The following TNXB variants were observed in gnomAD, a reference collection of about 807,000 sequenced individuals.
The protein encoded by TNXB is tenascin-X.
A neutral mutation model predicts 340.5 loss-of-function variants in TNXB; 183 were observed. That is an observed-to-expected ratio of 0.54 (90% confidence interval 0.48 to 0.61). The LOEUF (loss-of-function observed/expected upper bound fraction) is 0.61, where lower values mean the gene tolerates loss of function less well. TNXB is among the 20% of genes least tolerant of loss of function. TNXB has a pLI of 0.00. For missense variants in TNXB, 4,613 were observed against 5,446.4 expected, an observed-to-expected ratio of 0.85 and a Z score of 4.82; for synonymous variants, 2,121 against 2,314.5, an observed-to-expected ratio of 0.92 and a Z score of 2.40.
In TNXB at chr6:32,068,694, C is replaced by T. The variant is rs1778558333; in HGVS notation, c.5916G>A (p.Glu1972=). 6.2e-7 allele frequency: 1 copy of T among 1,613,362 alleles called. No individual in the cohort carries two copies. The highest frequency in any genetic ancestry group is 1.3e-5 in the African/African-American group (1 of 74,880). The change falls in exon 17 of 44, where the codon GAG becomes GAA. Residue 1972 remains glutamate, a synonymous_variant. Coordinates refer to ENST00000644971, the MANE Select transcript of TNXB (RefSeq NM_001365276.2). This position sits in a 1 kb window ranked among gnomAD's most constrained non-coding sequence, Gnocchi z 5.3. ...HVEALTVPEE[E]KPSEPPTATP... is the part of the protein sequence containing the mutation. The stretch of plus-strand genomic sequence containing the variant: ...TTGCGGTGGGAGGTTCTGAAGGCTT[C>T]TCCTCCTCCGGGACTGGACAGAGAC...
chr6:32,056,617 G>A lies in TNXB; in HGVS notation c.8112C>T (p.Arg2704=), dbSNP rs753413229. Residue 2704 remains arginine (R), a synonymous_variant, in exon 23 of 44, where the codon CGC becomes CGT. Coordinates refer to ENST00000644971, the MANE Select transcript of TNXB (RefSeq NM_001365276.2). ...CCCCAATGACAGAGATGGGGCCCAC[G>A]CGCTGGCCACCGTGGAAGCCGTACA... ...MNLYGFHGGQ[R]VGPISVIGVT... 4.6e-5 allele frequency: 74 copies of A among 1,612,934 alleles called. No individual in the cohort carries two copies. The highest frequency in any genetic ancestry group is 2.8e-4 in the African/African-American group (21 of 74,928).
chr6:32,043,337 G>A lies in TNXB; in HGVS notation c.11651-19C>T. On this transcript the variant is annotated intron_variant, in intron 36 of 43. Transcript: ENST00000644971. ...GGCGGGGCTGGGAGTGTAGAGAGGG[G>A]CATCAAGGCCTGCCCCCTCCATCCT... 1 of 391,454 alleles carries A rather than the reference G, an allele frequency of 2.6e-6. No homozygotes were observed. Among genetic ancestry groups the A allele is most frequent in the East Asian group, 3.8e-5 (1 of 26,214 alleles). 24.2% of individuals were successfully genotyped at this position (391,454 alleles called of 1,614,324 possible). A position where few individuals can be genotyped will look rare whatever the true frequency, so the allele number is the denominator to read the frequency against.
rs1205189339 is a variant in TNXB, at chr6:32,079,377, G to C, written c.4043-12C>G. On this transcript the variant is annotated splice_polypyrimidine_tract_variant and intron_variant, in intron 10 of 43. Transcript: ENST00000644971. This position sits in a 1 kb window ranked among gnomAD's most constrained non-coding sequence, Gnocchi z 7.1. ...ATCCTCCTGAGGAGCTGAGAGAAGA[G>C]ATAGAGGCATAAAGGGCTGCTGGCT... The C allele has an allele frequency of 6.3e-7, 1 of 1,589,598 alleles. No individual in the cohort carries two copies. Among genetic ancestry groups the C allele is most frequent in the Non-Finnish European group, 8.6e-7 (1 of 1,167,128 alleles).
chr6:32,076,567 G>A (rs1052165549), intron 11 of TNXB, among the ~76,000 whole-genome samples: 2 of 152,256 alleles, frequency 1.3e-5, no homozygotes, highest in African/African-American at 4.8e-5. Context: ...AGATGAATGA[G>A]CTGAGAAGAT....
intron 25 of TNXB, among the ~76,000 whole-genome samples, 191 bp from the exon 26 acceptor site, chr6:32,053,184 G>A (rs34562262): frequency 6.6e-6 from 1 of 152,202 alleles, no homozygotes; most frequent in South Asian, 2.1e-4. Context: ...GTCAGTGCTG[G>A]GGAACTTGGG....
Position 32,046,027 on chromosome 6 carries a change from A to G in TNXB, c.10606+148T>C, listed in dbSNP as rs1776841930. 1 of 1,400,364 alleles carries G rather than the reference A, an allele frequency of 7.1e-7. No homozygotes were observed. Among genetic ancestry groups the G allele is most frequent in the Non-Finnish European group, 9.3e-7 (1 of 1,079,834 alleles). The allele number at this position is 1,400,364 out of a possible 1,614,324, so 86.7% of individuals were successfully genotyped here. ...CTCCTTGATGGATGTTGAAGCCCAC[A>G]GGGCTGCAGACTCCTCCTCCTTCCT... On this transcript the variant is annotated intron_variant, in intron 31 of 43. Coordinates refer to ENST00000644971, the MANE Select transcript of TNXB (RefSeq NM_001365276.2). This position sits in a 1 kb window ranked among gnomAD's most constrained non-coding sequence, Gnocchi z 6.9.
At position 32,097,245 on chromosome 6, in the gene TNXB, A is replaced by C; in HGVS notation, c.608T>G (p.Val203Gly). Residue 203 changes from valine (V) to glycine (G), a missense_variant, in exon 3 of 44, where the codon GTG (valine) becomes GGG (glycine). By Grantham distance (109) the Val-to-Gly change is moderately radical. This residue lies in a region of TNXB where 4,327 missense variants were observed against 4,859.4 expected (regional missense o/e 0.89). Transcript: ENST00000644971. This position sits in a 1 kb window ranked among gnomAD's most constrained non-coding sequence, Gnocchi z 5.9. ...DQGRCVRGRCVCFPGYTGPSC... is the reference protein window; with the variant it reads ...DQGRCVRGRCGCFPGYTGPSC... ...GGGGCCAGTGTAGCCGGGAAAGCAC[A>C]CGCAACGACCACGGACACAGCGACC... 6.2e-7 allele frequency: 1 copy of C among 1,608,862 alleles called. No individual in the cohort carries two copies. Among genetic ancestry groups the C allele is most frequent in the South Asian group, 1.1e-5 (1 of 90,184 alleles).
chr6:32,085,643 C>G lies in TNXB; in HGVS notation c.3148+107G>C. On this transcript the variant is annotated intron_variant, in intron 7 of 43. Transcript: ENST00000644971. This position sits in a 1 kb window ranked among gnomAD's most constrained non-coding sequence, Gnocchi z 6.4. ...CCTCTATCCAGCCCCAAACATCAGC[C>G]CTGCCCTTCACTGGCCCCTCAATAT... The G allele has an allele frequency of 7.6e-7, 1 of 1,316,538 alleles. No individual in the cohort carries two copies. Among genetic ancestry groups the G allele is most frequent in the Non-Finnish European group, 1.0e-6 (1 of 997,690 alleles). The allele number at this position is 1,316,538 out of a possible 1,614,324, so 81.6% of individuals were successfully genotyped here.
Position 32,084,390 on chromosome 6 carries a change from AG to A in TNXB, c.3445+22del. 1 of 1,565,228 alleles carries A rather than the reference AG, an allele frequency of 6.4e-7. No homozygotes were observed. The highest frequency in any genetic ancestry group is 8.7e-7 in the Non-Finnish European group (1 of 1,151,592). ...ACCTCTTCAGGGCAGTACAGAGGGC[AG>A]GGTGTTACTGCTGTCACTCACAGAT... is the stretch of plus-strand genomic sequence containing the variant. On this transcript the variant is annotated intron_variant, in intron 8 of 43. Transcript: ENST00000644971. The surrounding 1 kb of genome is among the most constrained non-coding windows in gnomAD (Gnocchi z 5.5).
rs117336748 is a variant in TNXB at position 32,067,692 on chromosome 6, G to A, written c.6513C>T (p.Arg2171=). ...CGCCCACAGCAGACACTGGGCCCAC[G>A]CGCCGCCCCTCGTGGAGGCCGTACA... ...MHLYGLHEGR[R]VGPVSAVGVT... The change falls in exon 18 of 44, where the codon CGC becomes CGT. Residue 2171 remains arginine (R), a synonymous_variant. Coordinates refer to ENST00000644971, the MANE Select transcript of TNXB (RefSeq NM_001365276.2). This position sits in a 1 kb window ranked among gnomAD's most constrained non-coding sequence, Gnocchi z 4.2. 4,655 of 1,613,700 alleles carry A rather than the reference G, an allele frequency of 2.9e-3. 150 individuals carry two copies. In the East Asian group the frequency reaches 0.073, roughly 25 times the overall value.
Position 32,048,457 on chromosome 6 carries a change from G to A in TNXB, c.9951C>T (p.Val3317=). ...PVSGDLRAVA[V]SGLDPARKYK... is the part of the protein sequence containing the mutation. ...ACTTGCGGGCCGGGTCCAGCCCCGA[G>A]ACGGCGACCGCTCGGAGGTCTCCGC... is the stretch of plus-strand genomic sequence containing the variant. The change falls in exon 29 of 44, where the codon GTC becomes GTT. Residue 3317 remains valine, a synonymous_variant. Coordinates refer to ENST00000644971, the MANE Select transcript of TNXB (RefSeq NM_001365276.2). 6.3e-7 allele frequency: 1 copy of A among 1,590,564 alleles called. No homozygotes were observed. Among genetic ancestry groups the A allele is most frequent in the East Asian group, 2.3e-5 (1 of 44,428 alleles).
intron 4 of TNXB, 135 bp downstream of exon 4, chr6:32,094,941 A>G (rs1262114834): frequency 2.9e-6 from 2 of 689,608 alleles, no homozygotes; most frequent in Non-Finnish European, 5.0e-6. Flanking sequence ...CAGGCTAAGA[A>G]AGCCTTTACA....
chr6:32,083,719 G>A lies in TNXB; in HGVS notation c.3445+694C>T, dbSNP rs911139816. 6.6e-6 allele frequency among the ~76,000 whole-genome samples: 1 copy of A among 152,086 alleles called. No individual in the cohort carries two copies. The highest frequency in any genetic ancestry group is 6.5e-5 in the Admixed American group (1 of 15,274). ...ATAGCACCCAGGCTGGAGTACAGTG[G>A]CACAATCATGGCTCTCTGCAGCCTC... On this transcript the variant is annotated intron_variant, in intron 8 of 43. Coordinates refer to ENST00000644971, the MANE Select transcript of TNXB (RefSeq NM_001365276.2). The surrounding 1 kb of genome is among the most constrained non-coding windows in gnomAD (Gnocchi z 4.6).
rs1303113637 is a variant in TNXB, at chr6:32,097,555, A to G, written c.404-106T>C. The G allele has an allele frequency of 1.5e-6, 2 of 1,361,298 alleles. No homozygotes were observed. Among genetic ancestry groups the G allele is most frequent in the Non-Finnish European group, 2.0e-6 (2 of 1,012,364 alleles). 84.3% of individuals were successfully genotyped at this position (1,361,298 alleles called of 1,614,324 possible). A position where few individuals can be genotyped will look rare whatever the true frequency, so the allele number is the denominator to read the frequency against. ...CCCCTAGCCAGGCTAGCCTCATCTCATAAGGCCATGTCTGCTCCCAGTTGC... is the reference window on the plus strand; with the variant it reads ...CCCCTAGCCAGGCTAGCCTCATCTCGTAAGGCCATGTCTGCTCCCAGTTGC... On this transcript the variant is annotated intron_variant, in intron 2 of 43. Transcript: ENST00000644971. This position sits in a 1 kb window ranked among gnomAD's most constrained non-coding sequence, Gnocchi z 5.9.
rs1777097566 is a variant in TNXB, at chr6:32,049,263, CA to C, written c.9757+6del. 1 of 1,606,510 alleles carries C rather than the reference CA, an allele frequency of 6.2e-7. No individual in the cohort carries two copies. The highest frequency in any genetic ancestry group is 8.5e-7 in the Non-Finnish European group (1 of 1,175,620). ...ACCTGGGGACGAGGGCCTGTCCCCC[CA>C]CTCACCCGTGATGCCCACGGTGGAC... On this transcript the variant is annotated splice_donor_region_variant and intron_variant, in intron 28 of 43. Coordinates refer to ENST00000644971, the MANE Select transcript of TNXB (RefSeq NM_001365276.2). This position sits in a 1 kb window ranked among gnomAD's most constrained non-coding sequence, Gnocchi z 4.5.
chr6:32,051,343 A>T lies in TNXB; in HGVS notation c.9116-1022T>A, dbSNP rs532435359. Among the ~76,000 whole-genome samples, 1 of 152,320 alleles carries T rather than the reference A, an allele frequency of 6.6e-6. No individual in the cohort carries two copies. The highest frequency in any genetic ancestry group is 1.9e-4 in the East Asian group (1 of 5,192). ...TAGGACAGGAACTTTTCCCATTAGG[A>T]CAGGAACCCTAACTCTGAGCCTAAC... On this transcript the variant is annotated intron_variant, in intron 26 of 43. Coordinates refer to ENST00000644971, the MANE Select transcript of TNXB (RefSeq NM_001365276.2). This position sits in a 1 kb window ranked among gnomAD's most constrained non-coding sequence, Gnocchi z 4.7.
In TNXB at chr6:32,043,528, T is replaced by C. The variant is rs1776589866; in HGVS notation, c.11559A>G (p.Ala3853=). 2.3e-6 allele frequency: 2 copies of C among 867,186 alleles called. No individual in the cohort carries two copies. The highest frequency in any genetic ancestry group is 4.0e-5 in the Admixed American group (2 of 50,600). 53.7% of individuals were successfully genotyped at this position (867,186 alleles called of 1,614,324 possible). ...CGGCGAATCCCTCGGTCAAGTTCAG[T>C]GCACGCAACTGTGTGGGACCGTCAG... ...TVPDGPTQLR[A]LNLTEGFAVL... Residue 3853 remains alanine (A), a synonymous_variant, in exon 36 of 44, where the codon GCA becomes GCG. Transcript: ENST00000644971.
Position 32,064,600 on chromosome 6 carries a change from C to A in TNXB, c.6841+221G>T, listed in dbSNP as rs1411047247. ...GGTGTGCCTCAGTCTGTGTTATTTT[C>A]CTGGTCCCCCACCTCTTTGGGAACC... is the stretch of plus-strand genomic sequence containing the variant. On this transcript the variant is annotated intron_variant, in intron 19 of 43. Coordinates refer to ENST00000644971, the MANE Select transcript of TNXB (RefSeq NM_001365276.2). This position sits in a 1 kb window ranked among gnomAD's most constrained non-coding sequence, Gnocchi z 5.3. 6.6e-6 allele frequency among the ~76,000 whole-genome samples: 1 copy of A among 152,112 alleles called. No individual in the cohort carries two copies. Among genetic ancestry groups the A allele is most frequent in the African/African-American group, 2.4e-5 (1 of 41,428 alleles).
At chr6:32,093,381 T>C (rs1306700632) in intron 4 of TNXB, 1 of 702,288 alleles carries the variant, frequency 1.4e-6, no homozygotes, top group Admixed American at 2.0e-5. Context: ...CTATCTTGGT[T>C]GCGCCACGAA....
Sources: allele counts gnomAD v4.1 joint callset (sites outside exome capture counted in the v4.1 genomes callset), GRCh38; gene constraint gnomAD v4.1.1; regional missense constraint gnomAD v4.1.1; non-coding constraint Gnocchi (gnomAD v3.1); transcripts MANE v1.5; gene names NCBI Gene and HGNC (gene_info 2026-07-23, HGNC 2026-07-21).